Variants in SUMF2 observed in about 807,000 individuals in gnomAD.
SUMF2 encodes sulfatase modifying factor 2, also known as inactive C-alpha-formylglycine-generating enzyme 2.
In SUMF2, 45 loss-of-function variants were observed where a neutral mutation model predicts 44.8. That is an observed-to-expected ratio of 1.00 (90% CI 0.79 to 1.29). The LOEUF (loss-of-function observed/expected upper bound fraction) is 1.29. SUMF2 is among the 50% of genes most tolerant of loss of function. The pLI, the probability that SUMF2 is intolerant of heterozygous loss-of-function variation, is 0.00. For synonymous variants in SUMF2, 148 were observed against 150.4 expected, an observed-to-expected ratio of 0.98 and a Z score of 0.12; for missense variants, 418 against 389.9, an observed-to-expected ratio of 1.07 and a Z score of -0.61.
intron 5 of SUMF2, 50 bp downstream of exon 5, chr7:56,074,786 C>T: frequency 6.2e-7 from 1 of 1,608,390 alleles, no homozygotes; most frequent in Non-Finnish European, 8.5e-7. Context: ...CCATCCTGCC[C>T]AGCATGAGGG....
At chr7:56,083,409 C>T (rs1250738848), downstream of SUMF2, 1 of 1,614,168 alleles carries the variant, frequency 6.2e-7, no homozygotes, top group Non-Finnish European at 8.5e-7. Flanking sequence ...GTGCAAGGTG[C>T]AGATCACCTC....
downstream of SUMF2, among the ~76,000 whole-genome samples, chr7:56,082,651 C>T (rs3778868): frequency 4.6e-5 from 7 of 152,086 alleles, no homozygotes; most frequent in African/African-American, 4.8e-5. Context: ...AAATGGCGCT[C>T]GGGCTGGGAC....
chr7:56,065,793 T>G (rs988998443), intron 1 of SUMF2, among the ~76,000 whole-genome samples: 2 of 151,750 alleles, frequency 1.3e-5, no homozygotes, highest in Non-Finnish European at 2.9e-5. Flanking sequence ...TGAAAGAAAC[T>G]GAAAATGGGC....
In SUMF2 at chr7:56,076,897, C is replaced by G. The variant is rs1266695061; in HGVS notation, c.591+8C>G. On this transcript the variant is annotated splice_region_variant and intron_variant, in intron 6 of 8. Coordinates refer to ENST00000434526, the MANE Select transcript of SUMF2 (RefSeq NM_015411.4). Reference sequence around the variant, plus strand: ...CGCACCAACCTGTGGCAGGTAAGACCTACGTTCCTCCTTTCACCAAGCATT... The same window carrying G: ...CGCACCAACCTGTGGCAGGTAAGACGTACGTTCCTCCTTTCACCAAGCATT... 1 of 1,604,400 alleles carries G rather than the reference C, an allele frequency of 6.2e-7. No individual in the cohort carries two copies.
At chr7:56,068,779 T>G in intron 2 of SUMF2, 141 bp downstream of exon 2, 1 of 928,534 alleles carries the variant, frequency 1.1e-6, no homozygotes, top group Non-Finnish European at 1.5e-6. Context: ...TCTCGCTCAC[T>G]GCAACCTCCA....
downstream of SUMF2, among the ~76,000 whole-genome samples, chr7:56,084,552 T>G (rs1247011245): frequency 6.6e-6 from 1 of 151,990 alleles, no homozygotes; most frequent in African/African-American, 2.4e-5. Flanking sequence ...TTTTGTATTT[T>G]TAGTAGAGAC....
downstream of SUMF2, chr7:56,084,129 G>C: frequency 7.3e-7 from 1 of 1,378,470 alleles, no homozygotes; most frequent in South Asian, 1.2e-5. Flanking sequence ...GCCCCGAGCT[G>C]GTGGCCCTGT....
At chr7:56,085,181 G>A (rs990990923), downstream of SUMF2, among the ~76,000 whole-genome samples, 1 of 151,746 alleles carries the variant, frequency 6.6e-6, no homozygotes, top group African/African-American at 2.4e-5. Flanking sequence ...GGCTGGTCTC[G>A]AACTCCCGGC....
At chr7:56,083,685 G>T, downstream of SUMF2, 1 of 1,585,490 alleles carries the variant, frequency 6.3e-7, no homozygotes, top group South Asian at 1.1e-5. Flanking sequence ...CCTTCTCAGT[G>T]AGGTAGTCAA....
Position 56,064,291 on chromosome 7 carries a change from C to T in SUMF2, c.-21C>T, listed in dbSNP as rs1239709280. 2.5e-6 allele frequency: 4 copies of T among 1,576,522 alleles called. No homozygotes were observed. The highest frequency in any genetic ancestry group is 3.4e-6 in the Non-Finnish European group (4 of 1,161,522). On this transcript the variant is annotated 5_prime_UTR_variant, in exon 1 of 9. Transcript: ENST00000434526. Reference sequence around the variant, plus strand: ...TGCGCAGCGGGGCCGTGGGTGTACGCGGCGCAGCGCGGCAGTCCTGATGGC... The same window carrying T: ...TGCGCAGCGGGGCCGTGGGTGTACGTGGCGCAGCGCGGCAGTCCTGATGGC...
intron 8 of SUMF2, chr7:56,078,880 A>C (rs1187012375): frequency 6.4e-6 from 3 of 466,770 alleles, no homozygotes; most frequent in South Asian, 4.6e-5. Flanking sequence ...TGACTCTTCA[A>C]ACTGGTGGGC....
chr7:56,069,225 T>C (rs761813446), intron 2 of SUMF2, among the ~76,000 whole-genome samples: 1 of 152,036 alleles, frequency 6.6e-6, no homozygotes, highest in East Asian at 1.9e-4. Flanking sequence ...CTGAGAAATA[T>C]AAGCAAACGC....
chr7:56,087,015 T>C, the SUMF2 span: 76 of 1,612,992 alleles, frequency 4.7e-5, no homozygotes, highest in Non-Finnish European at 6.0e-5. Flanking sequence ...ATAAGTGTCC[T>C]TCAGCTGTAC....
At position 56,074,234 on chromosome 7, in the gene SUMF2, G is replaced by T; in HGVS notation, c.384+16G>T. On this transcript the variant is annotated intron_variant, in intron 4 of 8. Coordinates refer to ENST00000434526, the MANE Select transcript of SUMF2 (RefSeq NM_015411.4). The stretch of plus-strand genomic sequence containing the variant: ...TTGGAGGCAGGTAAGGGCTGATTCC[G>T]CTACCTCATTTTCTACCCCTGCTTG... 6.2e-7 allele frequency: 1 copy of T among 1,612,336 alleles called. No individual in the cohort carries two copies. The highest frequency in any genetic ancestry group is 8.5e-7 in the Non-Finnish European group (1 of 1,178,706).
intron 2 of SUMF2, among the ~76,000 whole-genome samples, chr7:56,072,699 G>A (rs980301070): frequency 6.6e-6 from 1 of 152,148 alleles, no homozygotes; most frequent in African/African-American, 2.4e-5. Flanking sequence ...CTCCAGCCTG[G>A]GCGACAGAGT....
chr7:56,087,773 GC>G, the SUMF2 span: 2 of 1,610,070 alleles, frequency 1.2e-6, no homozygotes, highest in African/African-American at 1.3e-5. Context: ...CACTGCTAAC[GC>G]CCCTGGGAGT....
Position 56,080,456 on chromosome 7 carries a change from A to C in SUMF2, c.*844A>C, listed in dbSNP as rs983485088. 6.2e-6 allele frequency: 1 copy of C among 160,392 alleles called. No homozygotes were observed. The highest frequency in any genetic ancestry group is 2.4e-5 in the African/African-American group (1 of 41,286). 9.9% of individuals were successfully genotyped at this position (160,392 alleles called of 1,614,324 possible). A position where few individuals can be genotyped will look rare whatever the true frequency, so the allele number is the denominator to read the frequency against. On this transcript the variant is annotated 3_prime_UTR_variant, in exon 9 of 9. Transcript: ENST00000434526. ...TTTTTTGAATTTTTGTAGTGATGGGATCTCGCTCTGTTGCCCAGGGTGGTC... is the reference window on the plus strand; with the variant it reads ...TTTTTTGAATTTTTGTAGTGATGGGCTCTCGCTCTGTTGCCCAGGGTGGTC...
At chr7:56,086,821 C>A in the SUMF2 span, 5 of 669,658 alleles carry the variant, frequency 7.5e-6, no homozygotes, top group Admixed American at 2.4e-5. Context: ...CAGCCTGACC[C>A]CAGGGGCTGA....
At position 56,074,426 on chromosome 7, in the gene SUMF2, GTC is replaced by G. The variant is rs1416539619; in HGVS notation, c.385-156_385-155del. ...CCATTTCTCCCTTCAGCCTCCTGTA[GTC>G]TCTTTTTTCTGACTCCGACCACTGG... On this transcript the variant is annotated intron_variant, in intron 4 of 8. Transcript: ENST00000434526. The G allele has an allele frequency of 1.7e-5, 18 of 1,068,810 alleles. No individual in the cohort carries two copies. In the East Asian group the frequency reaches 4.3e-4, roughly 25 times the overall value. 66.2% of individuals were successfully genotyped at this position (1,068,810 alleles called of 1,614,324 possible). A position where few individuals can be genotyped will look rare whatever the true frequency, so the allele number is the denominator to read the frequency against.
Sources: gnomAD v4.1 joint callset for allele counts (sites outside exome capture counted in the v4.1 genomes callset) on GRCh38, gnomAD v4.1.1 for gene constraint, MANE v1.5 for transcripts, NCBI Gene and HGNC (gene_info 2026-07-23, HGNC 2026-07-21) for gene names.